Variants in CTDSP2 observed in about 807,000 individuals in gnomAD.
The protein encoded by CTDSP2 is carboxy-terminal domain RNA polymerase II polypeptide A small phosphatase 2.
In CTDSP2, 9 loss-of-function variants were observed where a neutral mutation model predicts 31.6. The observed-to-expected ratio is 0.28, with a 90% CI of 0.17 to 0.50. CTDSP2 has a LOEUF of 0.50. Ranked by LOEUF, CTDSP2 falls within the 20% of genes least tolerant of loss-of-function variation. CTDSP2 has a pLI of 0.98. For synonymous variants in CTDSP2, 134 were observed against 134.5 expected (o/e 1.00, Z 0.03); for missense variants, 267 against 348.5 (o/e 0.77, Z 1.86).
chr12:57,839,324 C>T (rs1423633182), intron 1 of CTDSP2, among the ~76,000 whole-genome samples: 1 of 152,202 alleles, frequency 6.6e-6, no homozygotes, highest in East Asian at 1.9e-4. Context: ...GGTTCAGTTT[C>T]CTCATAAGCC....
At chr12:57,846,257 C>T in intron 1 of CTDSP2, 115 bp downstream of exon 1, 5 of 947,934 alleles carry the variant, frequency 5.3e-6, no homozygotes, top group South Asian at 1.6e-5. Flanking sequence ...GGGGTCCAGT[C>T]GGGATCGCTG....
intron 1 of CTDSP2, among the ~76,000 whole-genome samples, chr12:57,839,390 T>C (rs1956267213): frequency 6.6e-6 from 1 of 152,172 alleles, no homozygotes; most frequent in Non-Finnish European, 1.5e-5. Flanking sequence ...ACCTGAAGCA[T>C]GCACCTGAAT....
chr12:57,829,657 A>AC (rs1324547364), intron 1 of CTDSP2, 61 bp from the exon 2 acceptor site: 12 of 1,482,428 alleles, frequency 8.1e-6, no homozygotes, highest in Non-Finnish European at 9.4e-6. Flanking sequence ...GTCCACAGAT[A>AC]CTACCATGCC....
rs1012644419 is a variant in CTDSP2, at chr12:57,829,707, G to A, written c.65-111C>T. 6.9e-6 allele frequency: 6 copies of A among 873,978 alleles called. No homozygotes were observed. The South Asian group carries it at 8.0e-5, about 12-fold the overall frequency. 54.1% of individuals were successfully genotyped at this position (873,978 alleles called of 1,614,324 possible). A position where few individuals can be genotyped will look rare whatever the true frequency, so the allele number is the denominator to read the frequency against. On this transcript the variant is annotated intron_variant, in intron 1 of 7. Transcript: ENST00000398073. ...TTTGTAAACTCTACTAGGGCACACA[G>A]TATACGGCTGGTGAACAACCACATA...
rs1404131310 is a variant in CTDSP2, at chr12:57,820,277, C to T, written c.*3325G>A. On this transcript the variant is annotated 3_prime_UTR_variant, in exon 8 of 8. Transcript: ENST00000398073. ...GGCCCGACCTCTGGCCTCCTCTTCCCTGGCTGAATGTAAATATTTACCAGC... is the reference window on the plus strand; with the variant it reads ...GGCCCGACCTCTGGCCTCCTCTTCCTTGGCTGAATGTAAATATTTACCAGC... 6.6e-6 allele frequency: 1 copy of T among 152,246 alleles called. No individual in the cohort carries two copies. The highest frequency in any genetic ancestry group is 1.5e-5 in the Non-Finnish European group (1 of 68,058). The allele number at this position is 152,246 out of a possible 1,614,324, so 9.4% of individuals were successfully genotyped here. A position where few individuals can be genotyped will look rare whatever the true frequency, so the allele number is the denominator to read the frequency against.
intron 3 of CTDSP2, 132 bp downstream of exon 3, chr12:57,827,420 G>T: frequency 1.0e-6 from 1 of 972,282 alleles, no homozygotes; most frequent in Non-Finnish European, 1.6e-6. Context: ...CAAGTATGGG[G>T]AACAAATGGC....
Position 57,820,980 on chromosome 12 carries a change from C to T in CTDSP2, c.*2622G>A, listed in dbSNP as rs1281822466. 1 of 152,198 alleles carries T rather than the reference C, an allele frequency of 6.6e-6. No individual in the cohort carries two copies. 9.4% of individuals were successfully genotyped at this position (152,198 alleles called of 1,614,324 possible). On this transcript the variant is annotated 3_prime_UTR_variant, in exon 8 of 8. Transcript: ENST00000398073. ...ATGGTGGCCTATTGCCTCCCAAAGA[C>T]CAGTCTCAAGTGGGAGGGGCTGATG...
Position 57,827,064 on chromosome 12 carries a change from C to T in CTDSP2, c.286G>A (p.Glu96Lys). 6.2e-7 allele frequency: 1 copy of T among 1,613,816 alleles called. No homozygotes were observed. Among genetic ancestry groups the T allele is most frequent in the Non-Finnish European group, 8.5e-7 (1 of 1,179,960 alleles). Reference sequence around the variant, plus strand: ...ACACAGATCCTTCCTTGATCTTCCTCTGTCACCTCTGGGAGCAGGCAGGTC... The same window carrying T: ...ACACAGATCCTTCCTTGATCTTCCTTTGTCACCTCTGGGAGCAGGCAGGTC... ...PGTCLLPEVT[E>K]EDQGRICVVI... Residue 96 changes from glutamate (E) to lysine (K), a missense_variant, in exon 4 of 8, where the codon GAG becomes AAG. Coordinates refer to ENST00000398073, the MANE Select transcript of CTDSP2 (RefSeq NM_005730.4).
intron 3 of CTDSP2, 163 bp downstream of exon 3, chr12:57,827,389 T>C: frequency 1.3e-6 from 1 of 746,968 alleles, no homozygotes; most frequent in Non-Finnish European, 2.3e-6. Context: ...ATCTAATGCC[T>C]TGCACATAGC....
chr12:57,830,703 A>AC (rs1413123345), intron 1 of CTDSP2, among the ~76,000 whole-genome samples: 1 of 152,018 alleles, frequency 6.6e-6, no homozygotes, highest in Non-Finnish European at 1.5e-5. Context: ...GCTTAGTCCT[A>AC]CCTTGATCAT....
chr12:57,846,319 G>A, intron 1 of CTDSP2, 53 bp downstream of exon 1: 1 of 1,533,108 alleles, frequency 6.5e-7, no homozygotes, highest in Middle Eastern at 1.7e-4. Context: ...GGCTGTGCTA[G>A]CCCCCTCCGC....
chr12:57,846,566 C>T lies in CTDSP2; in HGVS notation c.-131G>A. 1.4e-6 allele frequency: 1 copy of T among 718,206 alleles called. No homozygotes were observed. Among genetic ancestry groups the T allele is most frequent in the Non-Finnish European group, 2.1e-6 (1 of 475,784 alleles). 44.5% of individuals were successfully genotyped at this position (718,206 alleles called of 1,614,324 possible). ...TCCGACTTCCACAGCTGTTCACATCCCCCCTCTCGTTTCCTCCCCGGACCG... is the reference window on the plus strand; with the variant it reads ...TCCGACTTCCACAGCTGTTCACATCTCCCCTCTCGTTTCCTCCCCGGACCG... On this transcript the variant is annotated 5_prime_UTR_variant, in exon 1 of 8. Transcript: ENST00000398073.
At chr12:57,843,397 TG>T (rs1956294478) in intron 1 of CTDSP2, among the ~76,000 whole-genome samples, 1 of 152,214 alleles carries the variant, frequency 6.6e-6, no homozygotes, top group African/African-American at 2.4e-5. Context: ...CCCATCTGTC[TG>T]GGAAGATGAT....
intron 2 of CTDSP2, among the ~76,000 whole-genome samples, chr12:57,828,280 G>A (rs1206736533): frequency 3.3e-5 from 5 of 152,096 alleles, no homozygotes; most frequent in African/African-American, 9.7e-5. Flanking sequence ...TTAGCCGGTC[G>A]TGGTGGCACA....
intron 2 of CTDSP2, among the ~76,000 whole-genome samples, chr12:57,828,976 G>C (rs974090140): frequency 6.6e-6 from 1 of 152,224 alleles, no homozygotes; most frequent in African/African-American, 2.4e-5. Context: ...CAGGTAACTT[G>C]GAAGTTAGCT....
Position 57,823,489 on chromosome 12 carries a change from G to A in CTDSP2, c.*113C>T. 1 of 1,285,030 alleles carries A rather than the reference G, an allele frequency of 7.8e-7. No individual in the cohort carries two copies. Among genetic ancestry groups the A allele is most frequent in the East Asian group, 2.5e-5 (1 of 39,982 alleles). 79.6% of individuals were successfully genotyped at this position (1,285,030 alleles called of 1,614,324 possible). A position where few individuals can be genotyped will look rare whatever the true frequency, so the allele number is the denominator to read the frequency against. On this transcript the variant is annotated 3_prime_UTR_variant, in exon 8 of 8. Coordinates refer to ENST00000398073, the MANE Select transcript of CTDSP2 (RefSeq NM_005730.4). ...AAGCTCTTTCCAGTTACTTCCCGCT[G>A]TTTCCGGGCCGTGTGGTGAGGCACT... is the stretch of plus-strand genomic sequence containing the variant.
Position 57,824,223 on chromosome 12 carries a change from G to A in CTDSP2, c.504+4C>T, listed in dbSNP as rs1168004773. ...CCTGGTTCTTCCCTCTCACCCCTAGGTACCTTGGCCAGGCTGGCAGTGAAG... is the reference window on the plus strand; with the variant it reads ...CCTGGTTCTTCCCTCTCACCCCTAGATACCTTGGCCAGGCTGGCAGTGAAG... On this transcript the variant is annotated splice_donor_region_variant and intron_variant, in intron 6 of 7. Coordinates refer to ENST00000398073, the MANE Select transcript of CTDSP2 (RefSeq NM_005730.4). 1.2e-6 allele frequency: 2 copies of A among 1,613,850 alleles called. No homozygotes were observed. The highest frequency in any genetic ancestry group is 1.7e-6 in the Non-Finnish European group (2 of 1,179,796).
At chr12:57,831,885 T>C (rs1237475087) in intron 1 of CTDSP2, among the ~76,000 whole-genome samples, 1 of 152,184 alleles carries the variant, frequency 6.6e-6, no homozygotes, top group Non-Finnish European at 1.5e-5. Flanking sequence ...AGGTGGCCCT[T>C]GCAGAAGTGG....
chr12:57,838,285 C>G (rs1956259966), intron 1 of CTDSP2, among the ~76,000 whole-genome samples: 1 of 152,180 alleles, frequency 6.6e-6, no homozygotes, highest in South Asian at 2.1e-4. Context: ...AGGGACAAGC[C>G]TGAGATGCCA....
Sources: allele counts gnomAD v4.1 joint callset (sites outside exome capture counted in the v4.1 genomes callset), GRCh38; gene constraint gnomAD v4.1.1; transcripts MANE v1.5; gene names NCBI Gene and HGNC (gene_info 2026-07-23, HGNC 2026-07-21).